The following LRRC9 variants were observed in gnomAD, a reference collection of about 807,000 sequenced individuals.
The protein encoded by LRRC9 is leucine rich repeat containing 9.
In LRRC9, 122 loss-of-function variants were observed where a neutral mutation model predicts 63.2. The observed-to-expected ratio is 1.93, with a 90% CI of 1.67 to 2.24. The LOEUF (loss-of-function observed/expected upper bound fraction) is 2.24. Among genes scored for constraint, LRRC9 ranks in the 30% most tolerant of loss-of-function variants. The pLI, the probability that LRRC9 is intolerant of heterozygous loss-of-function variation, is 0.00. For missense variants in LRRC9, 1,071 were observed against 627.7 expected (o/e 1.71, Z -7.55); for synonymous variants, 366 against 213.1 (o/e 1.72, Z -6.25).
rs1326521687 is a variant in LRRC9, at chr14:59,986,064, T to A, written c.2211+840T>A. On this transcript the variant is annotated intron_variant, in intron 17 of 31. Coordinates refer to ENST00000445360, the Ensembl canonical transcript of LRRC9. This position sits in a 1 kb window ranked among gnomAD's most constrained non-coding sequence, Gnocchi z 4.7. ...GTTCCTCCCATCTGCTCATCCAGGT[T>A]ATTATTTCTTTCTTTCTGTCTTGTC... is the stretch of plus-strand genomic sequence containing the variant. 6.6e-6 allele frequency among the ~76,000 whole-genome samples: 1 copy of A among 152,168 alleles called. No individual in the cohort carries two copies. The highest frequency in any genetic ancestry group is 2.4e-5 in the African/African-American group (1 of 41,454).
chr14:60,029,915 A>G (rs1313606055), intron 28 of LRRC9, among the ~76,000 whole-genome samples: 1 of 151,100 alleles, frequency 6.6e-6, no homozygotes, highest in Non-Finnish European at 1.5e-5. Flanking sequence ...AACCATTAAT[A>G]TTATAGTACC....
intron 29 of LRRC9, among the ~76,000 whole-genome samples, chr14:60,036,537 T>C (rs917545697): frequency 2.0e-5 from 3 of 152,182 alleles, no homozygotes. Flanking sequence ...TAGAATGTCC[T>C]TCAAGTTGGG....
intron 16 of LRRC9, among the ~76,000 whole-genome samples, chr14:59,982,996 T>C (rs375582500): frequency 9.2e-5 from 14 of 152,340 alleles, no homozygotes; most frequent in African/African-American, 3.4e-4. Context: ...TAAAGTGACT[T>C]ACTTTATGCC....
At chr14:60,059,402 C>T (rs1261995339) in intron 31 of LRRC9, among the ~76,000 whole-genome samples, 4 of 152,166 alleles carry the variant, frequency 2.6e-5, no homozygotes, top group African/African-American at 9.7e-5. Context: ...TCAGATCTCT[C>T]ACTTTAAATC....
intron 15 of LRRC9, among the ~76,000 whole-genome samples, chr14:59,981,519 A>C (rs2140099888): frequency 6.6e-6 from 1 of 152,316 alleles, no homozygotes; most frequent in East Asian, 1.9e-4. Flanking sequence ...CAGAGGTTAC[A>C]TTTCTGATCC....
chr14:60,026,485 T>G (rs219400), intron 27 of LRRC9, among the ~76,000 whole-genome samples: 114,364 of 151,910 alleles, frequency 0.75, 45,048 homozygotes, highest in Non-Finnish European at 0.87. Flanking sequence ...TCCCTTGTCA[T>G]ATGGGTAGTT....
chr14:60,000,718 T>A (rs1390026519), intron 19 of LRRC9, among the ~76,000 whole-genome samples: 3 of 152,106 alleles, frequency 2.0e-5, no homozygotes, highest in African/African-American at 7.2e-5. Context: ...TTGTGAATAA[T>A]TTAGTAGGCA....
chr14:60,034,286 G>A (rs1041606068), intron 29 of LRRC9, among the ~76,000 whole-genome samples: 1 of 151,446 alleles, frequency 6.6e-6, no homozygotes, highest in African/African-American at 2.4e-5. Context: ...CAAAGTGCTG[G>A]GATTACAGGA....
intron 12 of LRRC9, 133 bp from the exon 13 acceptor site, chr14:59,974,443 A>G (rs1885890227): frequency 2.4e-6 from 1 of 424,078 alleles, no homozygotes; most frequent in Non-Finnish European, 4.2e-6. Context: ...AAGGTTATCT[A>G]CTTCTTTTCA....
chr14:59,944,924 C>A (rs186828991), intron 8 of LRRC9, among the ~76,000 whole-genome samples, 180 bp downstream of exon 8: 187 of 151,300 alleles, frequency 1.2e-3, no homozygotes, highest in Admixed American at 3.0e-3. Context: ...AAGCTTGCCC[C>A]CAAAAAAGTT....
Position 59,990,071 on chromosome 14 carries a change from G to A in LRRC9, c.2211+4847G>A, listed in dbSNP as rs1320977557. 6.6e-6 allele frequency among the ~76,000 whole-genome samples: 1 copy of A among 151,984 alleles called. No individual in the cohort carries two copies. Among genetic ancestry groups the A allele is most frequent in the Non-Finnish European group, 1.5e-5 (1 of 68,014 alleles). On this transcript the variant is annotated intron_variant, in intron 17 of 31. Coordinates refer to ENST00000445360, the Ensembl canonical transcript of LRRC9. This position sits in a 1 kb window ranked among gnomAD's most constrained non-coding sequence, Gnocchi z 4.2. ...GCCTCCCGACTAGATGGGATTACAGGTGCACACCACCACACCCAGCTAACT... is the reference window on the plus strand; with the variant it reads ...GCCTCCCGACTAGATGGGATTACAGATGCACACCACCACACCCAGCTAACT...
intron 23 of LRRC9, among the ~76,000 whole-genome samples, chr14:60,013,544 T>C (rs1320949090): frequency 6.6e-6 from 1 of 152,284 alleles, no homozygotes; most frequent in African/African-American, 2.4e-5. Flanking sequence ...ACCTACATCA[T>C]TGGCTAAAAT....
rs12590390 is a variant in LRRC9, at chr14:60,053,861, T to C, written c.4131+656T>C. The C allele has an allele frequency of 2.6e-3, 1,132 of 442,406 alleles. 45 individuals are homozygous for C. In the East Asian group the frequency reaches 0.066, roughly 26 times the overall value. 27.4% of individuals were successfully genotyped at this position (442,406 alleles called of 1,614,324 possible). A position where few individuals can be genotyped will look rare whatever the true frequency, so the allele number is the denominator to read the frequency against. On this transcript the variant is annotated intron_variant, in intron 30 of 31. Transcript: ENST00000445360. The surrounding 1 kb of genome is among the most constrained non-coding windows in gnomAD (Gnocchi z 4.8). ...GACTAAATTTAACACAGAAAATCTA[T>C]GGTTTTTGAACAGAGAAGTAACATT...
At chr14:60,023,398 G>T (rs1322464304) in intron 27 of LRRC9, among the ~76,000 whole-genome samples, 1 of 151,918 alleles carries the variant, frequency 6.6e-6, no homozygotes. Context: ...AGGAGTGATA[G>T]AATCTAGATT....
intron 8 of LRRC9, among the ~76,000 whole-genome samples, chr14:59,946,382 C>A (rs1164793254): frequency 1.3e-5 from 2 of 150,900 alleles, no homozygotes; most frequent in African/African-American, 4.9e-5. Flanking sequence ...TTTATATCTG[C>A]TATTTTCATG....
chr14:60,045,384 G>A (rs1893331698), intron 29 of LRRC9, among the ~76,000 whole-genome samples: 1 of 152,086 alleles, frequency 6.6e-6, no homozygotes, highest in Non-Finnish European at 1.5e-5. Flanking sequence ...TAGGTATTAA[G>A]CCAAGCATCT....
At chr14:59,946,636 C>G (rs1261675809) in intron 8 of LRRC9, among the ~76,000 whole-genome samples, 2 of 145,112 alleles carry the variant, frequency 1.4e-5, no homozygotes, top group Non-Finnish European at 3.0e-5. Flanking sequence ...AGGTATATCT[C>G]CCAGTGCTAT....
At chr14:60,057,937 T>C in exon 31 of LRRC9, 1 of 692,062 alleles carries the variant, frequency 1.4e-6, no homozygotes, top group Non-Finnish European at 2.6e-6. Context: ...TGAAAACTCC[T>C]CCCATAGAGA....
At chr14:60,057,653 G>GAAAAAAAAAAAAAA (rs34584505) in intron 30 of LRRC9, 1 of 219,044 alleles carries the variant, frequency 4.6e-6, no homozygotes, top group African/African-American at 2.6e-5. Context: ...AATGCAGTCT[G>GAAAAAAAAAAAAAA]AAAAAAAAAA....
Sources: allele counts gnomAD v4.1 joint callset (sites outside exome capture counted in the v4.1 genomes callset), GRCh38; gene constraint gnomAD v4.1.1; non-coding constraint Gnocchi (gnomAD v3.1); transcripts MANE v1.5; gene names NCBI Gene and HGNC (gene_info 2026-07-23, HGNC 2026-07-21).